The following FXN variants were observed in gnomAD, a reference collection of about 807,000 sequenced individuals.
FXN encodes the protein frataxin.
A neutral mutation model predicts 22.4 loss-of-function variants in FXN; 14 were observed. The observed-to-expected ratio is 0.62, with a 90% CI of 0.41 to 0.98. The LOEUF is 0.98. Ranked by LOEUF, FXN falls within the 50% of genes least tolerant of loss-of-function variation. FXN has a pLI of 0.00. For synonymous variants in FXN, 120 were observed against 114.1 expected (o/e 1.05, Z -0.33); for missense variants, 267 against 268.4 (o/e 0.99, Z 0.04).
At chr9:69,040,525 G>A (rs957076282) in intron 1 of FXN, among the ~76,000 whole-genome samples, 16 of 152,028 alleles carry the variant, frequency 1.1e-4, no homozygotes, top group African/African-American at 3.1e-4. Flanking sequence ...AAAATTAGCC[G>A]GGCGTGGTGA....
Position 69,078,054 on chromosome 9 carries a change from T to C in FXN, c.*5292T>C, listed in dbSNP as rs185002782. The stretch of plus-strand genomic sequence containing the variant: ...CCGCACTCTATGATGCTAGCTGAGA[T>C]TTTTCCAAAAGAAAATGGCTTAAAT... On this transcript the variant is annotated 3_prime_UTR_variant, in exon 5 of 5. Transcript: ENST00000484259. The C allele has an allele frequency of 2.2e-4, 219 of 985,358 alleles. 1 individual carries two copies. The African/African-American group carries it at 3.6e-3, about 16-fold the overall frequency. 61.0% of individuals were successfully genotyped at this position (985,358 alleles called of 1,614,324 possible).
Position 69,068,379 on chromosome 9 carries a change from C to CA in FXN, c.482+3346dup, listed in dbSNP as rs1431483297. 3.9e-5 allele frequency among the ~76,000 whole-genome samples: 6 copies of CA among 152,300 alleles called. No individual in the cohort carries two copies. In the East Asian group the frequency reaches 1.2e-3, roughly 29 times the overall value. On this transcript the variant is annotated intron_variant, in intron 4 of 4. Coordinates refer to ENST00000484259, the MANE Select transcript of FXN (RefSeq NM_000144.5). Reference sequence around the variant, plus strand: ...TGGGGTGCCTCCCCTCCCCCCAGCCCAACAGAAGTTCTACAATGACTGATG... The same window carrying CA: ...TGGGGTGCCTCCCCTCCCCCCAGCCCAAACAGAAGTTCTACAATGACTGATG...
rs969260798 is a variant in FXN at position 69,074,090 on chromosome 9, C to T, written c.*1328C>T. 1.6e-4 allele frequency: 57 copies of T among 354,922 alleles called. No homozygotes were observed. The highest frequency in any genetic ancestry group is 2.0e-4 in the Non-Finnish European group (51 of 254,092). 22.0% of individuals were successfully genotyped at this position (354,922 alleles called of 1,614,324 possible). A position where few individuals can be genotyped will look rare whatever the true frequency, so the allele number is the denominator to read the frequency against. On this transcript the variant is annotated 3_prime_UTR_variant, in exon 5 of 5. Transcript: ENST00000484259. ...ATCCCAGCTACTTGGGAGGCTGAAG[C>T]GGAAGAATCGCTTGAACCCAGAGGT...
At chr9:69,049,524 C>G (rs1053847176) in intron 2 of FXN, among the ~76,000 whole-genome samples, 1 of 152,064 alleles carries the variant, frequency 6.6e-6, no homozygotes, top group Non-Finnish European at 1.5e-5. Context: ...ACTTTAGGCC[C>G]CCTGGAAACT....
At chr9:69,071,554 G>C (rs1832275161) in intron 4 of FXN, among the ~76,000 whole-genome samples, 1 of 152,130 alleles carries the variant, frequency 6.6e-6, no homozygotes, top group Non-Finnish European at 1.5e-5. Flanking sequence ...TGTACATCTG[G>C]TATAAGAAGA....
chr9:69,052,661 G>A (rs1400499027), intron 2 of FXN, among the ~76,000 whole-genome samples: 3 of 149,586 alleles, frequency 2.0e-5, no homozygotes, highest in Admixed American at 6.8e-5. Context: ...TCCTGCCTCA[G>A]CCTCCTGAGT....
At position 69,077,220 on chromosome 9, in the gene FXN, C is replaced by T. The variant is rs1307946702; in HGVS notation, c.*4458C>T. 1.7e-5 allele frequency: 17 copies of T among 985,124 alleles called. No homozygotes were observed. Among genetic ancestry groups the T allele is most frequent in the Non-Finnish European group, 1.8e-5 (15 of 829,826 alleles). The allele number at this position is 985,124 out of a possible 1,614,324, so 61.0% of individuals were successfully genotyped here. ...AGCCACTGCACCCAGCCAGAAATGC[C>T]TTCTAATCTTTGGTTTATCTTAATT... On this transcript the variant is annotated 3_prime_UTR_variant, in exon 5 of 5. Transcript: ENST00000484259.
intron 1 of FXN, among the ~76,000 whole-genome samples, chr9:69,040,924 A>G (rs1587815140): frequency 6.6e-6 from 1 of 152,192 alleles, no homozygotes; most frequent in Non-Finnish European, 1.5e-5. Flanking sequence ...ACTGGCCCTC[A>G]CCAGACACCA....
At chr9:69,056,560 G>A (rs1006431842) in intron 3 of FXN, among the ~76,000 whole-genome samples, 3 of 152,134 alleles carry the variant, frequency 2.0e-5, no homozygotes, top group South Asian at 2.1e-4. Flanking sequence ...CTGGGAGTTC[G>A]AGGCAGCTGT....
At chr9:69,045,574 C>G (rs756677045) in intron 1 of FXN, among the ~76,000 whole-genome samples, 2 of 151,950 alleles carry the variant, frequency 1.3e-5, no homozygotes, top group Non-Finnish European at 2.9e-5. Flanking sequence ...GCCTGGGCGA[C>G]AGAGCGAGAC....
In FXN at chr9:69,077,462, A is replaced by T; in HGVS notation, c.*4700A>T. ...GAAGATTTATTTAGACAGTTGAGGA[A>T]AACATCAGCACCCAGCAGTAAAATT... On this transcript the variant is annotated 3_prime_UTR_variant, in exon 5 of 5. Transcript: ENST00000484259. 2 of 985,432 alleles carry T rather than the reference A, an allele frequency of 2.0e-6. No individual in the cohort carries two copies. Among genetic ancestry groups the T allele is most frequent in the Non-Finnish European group, 2.4e-6 (2 of 829,918 alleles). The allele number at this position is 985,432 out of a possible 1,614,324, so 61.0% of individuals were successfully genotyped here.
At chr9:69,058,545 G>T (rs937434533) in intron 3 of FXN, among the ~76,000 whole-genome samples, 1 of 151,044 alleles carries the variant, frequency 6.6e-6, no homozygotes, top group Non-Finnish European at 1.5e-5. Context: ...CTCCCTCTAA[G>T]AATCTGATGA....
intron 3 of FXN, among the ~76,000 whole-genome samples, chr9:69,058,785 T>A (rs1291351348): frequency 6.6e-6 from 1 of 152,122 alleles, no homozygotes; most frequent in Non-Finnish European, 1.5e-5. Flanking sequence ...AGTGAGGGCC[T>A]GGTGCTGGTG....
At position 69,075,659 on chromosome 9, in the gene FXN, G is replaced by GTTATTAAATA; in HGVS notation, c.*2900_*2909dup. 1 of 985,318 alleles carries GTTATTAAATA rather than the reference G, an allele frequency of 1.0e-6. No homozygotes were observed. Among genetic ancestry groups the GTTATTAAATA allele is most frequent in the Non-Finnish European group, 1.2e-6 (1 of 829,884 alleles). 61.0% of individuals were successfully genotyped at this position (985,318 alleles called of 1,614,324 possible). ...GTGAAGGATGAGTTTCCAGGAAAAG[G>GTTATTAAATA]TTATTAAATATTCACTGTAACATAC... is the stretch of plus-strand genomic sequence containing the variant. On this transcript the variant is annotated 3_prime_UTR_variant, in exon 5 of 5. Coordinates refer to ENST00000484259, the MANE Select transcript of FXN (RefSeq NM_000144.5).
At chr9:69,055,955 C>T (rs1831950209) in intron 3 of FXN, among the ~76,000 whole-genome samples, 1 of 152,162 alleles carries the variant, frequency 6.6e-6, no homozygotes, top group African/African-American at 2.4e-5. Context: ...ACAATCATAG[C>T]TCACTGCAGC....
chr9:69,067,552 T>TC (rs985446034), intron 4 of FXN, among the ~76,000 whole-genome samples: 20 of 151,972 alleles, frequency 1.3e-4, no homozygotes, highest in African/African-American at 2.9e-4. Context: ...GCTAAAGAAG[T>TC]CCCCATACTC....
intron 3 of FXN, among the ~76,000 whole-genome samples, chr9:69,061,201 C>T (rs1832065937): frequency 6.6e-6 from 1 of 152,220 alleles, no homozygotes; most frequent in African/African-American, 2.4e-5. Context: ...TCAATTTTGG[C>T]TTCAGTGGTT....
chr9:69,059,218 T>A (rs183533465), intron 3 of FXN, among the ~76,000 whole-genome samples: 3 of 152,160 alleles, frequency 2.0e-5, no homozygotes, highest in Admixed American at 2.0e-4. Context: ...AGATTGCAGT[T>A]CACTATGTAC....
intron 1 of FXN, 48 bp downstream of exon 1, chr9:69,035,995 C>T: frequency 1.5e-6 from 2 of 1,308,918 alleles, no homozygotes; most frequent in Non-Finnish European, 1.9e-6. Flanking sequence ...CCGCGGGCCG[C>T]ACGCCGCACG....
Sources: gnomAD v4.1 joint callset for allele counts (sites outside exome capture counted in the v4.1 genomes callset) on GRCh38, gnomAD v4.1.1 for gene constraint, MANE v1.5 for transcripts, NCBI Gene and HGNC (gene_info 2026-07-23, HGNC 2026-07-21) for gene names.